Variants in DNAJC1 observed in about 807,000 individuals in gnomAD.
DNAJC1 encodes the protein dnaJ homolog subfamily C member 1.
A neutral mutation model predicts 76.6 loss-of-function variants in DNAJC1; 58 were observed. That is an observed-to-expected ratio of 0.76 (90% CI 0.61 to 0.94). The LOEUF is 0.94. Among genes scored for constraint, DNAJC1 ranks in the 40% least tolerant of loss-of-function variants. The pLI is 0.00. For missense variants in DNAJC1, 689 were observed against 677.3 expected, an observed-to-expected ratio of 1.02 and a Z score of -0.19; for synonymous variants, 258 against 267.9, an observed-to-expected ratio of 0.96 and a Z score of 0.36.
intron 1 of DNAJC1, among the ~76,000 whole-genome samples, chr10:21,944,449 A>C (rs1420274705): frequency 6.6e-6 from 1 of 152,178 alleles, no homozygotes; most frequent in Non-Finnish European, 1.5e-5. Context: ...AATTCTCTGG[A>C]AGACAGACCA....
chr10:21,928,735 T>G (rs1015493469), intron 2 of DNAJC1, among the ~76,000 whole-genome samples, 183 bp from the exon 3 acceptor site: 1 of 152,182 alleles, frequency 6.6e-6, no homozygotes, highest in Admixed American at 6.6e-5. Context: ...TAAAAATGCT[T>G]GATATCAAAA....
chr10:21,989,453 C>A (rs1486724493), intron 1 of DNAJC1, among the ~76,000 whole-genome samples: 1 of 152,104 alleles, frequency 6.6e-6, no homozygotes, highest in African/African-American at 2.4e-5. Flanking sequence ...AAGCTATAAG[C>A]CTCCTGGGCT....
chr10:21,832,531 G>C (rs1390327540), intron 8 of DNAJC1, among the ~76,000 whole-genome samples: 1 of 151,842 alleles, frequency 6.6e-6, no homozygotes, highest in Non-Finnish European at 1.5e-5. Flanking sequence ...TTTTTTAATG[G>C]TAACTGTCTC....
chr10:21,900,026 T>C (rs1055040077), intron 7 of DNAJC1, among the ~76,000 whole-genome samples: 3 of 152,160 alleles, frequency 2.0e-5, no homozygotes, highest in South Asian at 2.1e-4. Context: ...ACACTTAGGC[T>C]ACACAAAATT....
In DNAJC1 at chr10:21,862,653, G is replaced by A. The variant is rs576640478; in HGVS notation, c.978+19629C>T. On this transcript the variant is annotated intron_variant, in intron 8 of 11. Coordinates refer to ENST00000376980, the MANE Select transcript of DNAJC1 (RefSeq NM_022365.4). ...TATGTTGGCCAGGCTGGTCTCGAAC[G>A]CCTGATCTCAGGTGATCCAACTGCC... Among the ~76,000 whole-genome samples, 78 of 151,226 alleles carry A rather than the reference G, an allele frequency of 5.2e-4. 3 individuals are homozygous for A. Among genetic ancestry groups the A allele is most frequent in the African/African-American group, 1.1e-3 (44 of 41,202 alleles).
chr10:21,976,335 C>T (rs1173387750), intron 1 of DNAJC1, among the ~76,000 whole-genome samples: 6 of 152,110 alleles, frequency 3.9e-5, no homozygotes, highest in African/African-American at 7.2e-5. Flanking sequence ...ATGTAAAAGG[C>T]TTTGATTCTA....
At chr10:21,960,130 G>C (rs1055683430) in intron 1 of DNAJC1, among the ~76,000 whole-genome samples, 4 of 152,128 alleles carry the variant, frequency 2.6e-5, no homozygotes, top group Non-Finnish European at 5.9e-5. Context: ...GCACAGCATA[G>C]AGATTAAAAC....
intron 9 of DNAJC1, among the ~76,000 whole-genome samples, chr10:21,790,010 TAAAAAAAA>T (rs35639440): frequency 9.7e-5 from 4 of 41,092 alleles, no homozygotes; most frequent in African/African-American, 2.4e-4. Flanking sequence ...GCTCTGTCTT[TAAAAAAAA>T]AAAAAAAAAA....
In DNAJC1 at chr10:21,974,536, T is replaced by C. The variant is rs545478639; in HGVS notation, c.222+28677A>G. Among the ~76,000 whole-genome samples the C allele has an allele frequency of 5.9e-5, 9 of 152,310 alleles. No individual in the cohort carries two copies. The South Asian group carries it at 1.0e-3, about 18-fold the overall frequency. Reference sequence around the variant, plus strand: ...TTTTATTGAAACCTACAGTAGGAAATACATTTTATATCACAACTCAGAACA... The same window carrying C: ...TTTTATTGAAACCTACAGTAGGAAACACATTTTATATCACAACTCAGAACA... On this transcript the variant is annotated intron_variant, in intron 1 of 11. Coordinates refer to ENST00000376980, the MANE Select transcript of DNAJC1 (RefSeq NM_022365.4).
intron 7 of DNAJC1, among the ~76,000 whole-genome samples, chr10:21,883,318 T>C (rs1836314527): frequency 6.8e-6 from 1 of 146,232 alleles, no homozygotes; most frequent in African/African-American, 2.5e-5. Context: ...AGACTTGACA[T>C]TGAGAAGCAA....
At chr10:21,822,548 C>T (rs934393399) in intron 8 of DNAJC1, among the ~76,000 whole-genome samples, 2 of 151,932 alleles carry the variant, frequency 1.3e-5, no homozygotes, top group African/African-American at 4.8e-5. Context: ...CTGAGACCTA[C>T]AAAACTTGAA....
At chr10:21,778,733 T>C (rs1834485367) in intron 9 of DNAJC1, among the ~76,000 whole-genome samples, 1 of 152,168 alleles carries the variant, frequency 6.6e-6, no homozygotes, top group Non-Finnish European at 1.5e-5. Flanking sequence ...CACTGGGGCT[T>C]GTCAGACAGT....
At chr10:21,862,620 G>A (rs1465341036) in intron 8 of DNAJC1, among the ~76,000 whole-genome samples, 1 of 151,806 alleles carries the variant, frequency 6.6e-6, no homozygotes, top group South Asian at 2.1e-4. Context: ...GTAGAGACAG[G>A]GTTTCGCTAT....
intron 8 of DNAJC1, among the ~76,000 whole-genome samples, chr10:21,850,500 G>C (rs984001438): frequency 4.7e-5 from 7 of 150,402 alleles, no homozygotes; most frequent in Admixed American, 2.6e-4. Context: ...CCATGTTCAT[G>C]TATTGGAATA....
chr10:21,805,777 C>T (rs796560589), intron 9 of DNAJC1, among the ~76,000 whole-genome samples: 15 of 152,284 alleles, frequency 9.9e-5, no homozygotes, highest in African/African-American at 3.6e-4. Flanking sequence ...CACTAGAATT[C>T]CTCACACAGC....
At chr10:21,818,253 G>T (rs1277321409) in intron 8 of DNAJC1, among the ~76,000 whole-genome samples, 2 of 152,142 alleles carry the variant, frequency 1.3e-5, no homozygotes, top group African/African-American at 4.8e-5. Context: ...TAGCTGTAGG[G>T]ATGAAATAAG....
chr10:21,968,369 C>G (rs1837923665), intron 1 of DNAJC1, among the ~76,000 whole-genome samples: 1 of 152,096 alleles, frequency 6.6e-6, no homozygotes, highest in Non-Finnish European at 1.5e-5. Flanking sequence ...GGTGAGAAAA[C>G]TAAGGATTAG....
intron 1 of DNAJC1, among the ~76,000 whole-genome samples, chr10:21,965,223 CACTA>C (rs954070798): frequency 1.3e-5 from 2 of 152,098 alleles, no homozygotes; most frequent in African/African-American, 2.4e-5. Flanking sequence ...TCTTTCAGTT[CACTA>C]ACTCTCTTTT....
Position 22,003,467 on chromosome 10 carries a change from A to G in DNAJC1, c.-33T>C. On this transcript the variant is annotated 5_prime_UTR_variant, in exon 1 of 12. Transcript: ENST00000376980. ...GGCTCGGAAAGGTCACCCGCCGCGC[A>G]GCTCCGTTGGCCGAGAGCTGGGACG... 1 of 1,334,794 alleles carries G rather than the reference A, an allele frequency of 7.5e-7. No individual in the cohort carries two copies. Among genetic ancestry groups the G allele is most frequent in the South Asian group, 2.1e-5 (1 of 48,026 alleles). 82.7% of individuals were successfully genotyped at this position (1,334,794 alleles called of 1,614,324 possible). A position where few individuals can be genotyped will look rare whatever the true frequency, so the allele number is the denominator to read the frequency against.
Sources: gnomAD v4.1 joint callset for allele counts (sites outside exome capture counted in the v4.1 genomes callset) on GRCh38, gnomAD v4.1.1 for gene constraint, MANE v1.5 for transcripts, NCBI Gene and HGNC (gene_info 2026-07-23, HGNC 2026-07-21) for gene names.